BSDC1: variants seen among roughly 807,000 people sequenced by gnomAD.
BSDC1 encodes the protein BSD domain containing 1, also known as BSD domain-containing protein 1.
Under a neutral mutation model 56.0 loss-of-function variants are expected in BSDC1, and 29 were observed. That is an observed-to-expected ratio of 0.52 (90% CI 0.39 to 0.71). The LOEUF is 0.71. Among genes scored for constraint, BSDC1 ranks in the 30% least tolerant of loss-of-function variants. BSDC1 has a pLI of 0.00. For missense variants in BSDC1, 477 were observed against 548.5 expected (o/e 0.87, Z 1.30); for synonymous variants, 210 against 215.3 (o/e 0.98, Z 0.21).
chr1:32,390,023 G>C (rs920795602), intron 2 of BSDC1, among the ~76,000 whole-genome samples: 1 of 151,984 alleles, frequency 6.6e-6, no homozygotes, highest in Non-Finnish European at 1.5e-5. Context: ...GTTGACATGG[G>C]TTTAGTGACG....
intron 9 of BSDC1, among the ~76,000 whole-genome samples, chr1:32,374,231 G>A (rs1275712632): frequency 2.0e-5 from 3 of 152,216 alleles, no homozygotes; most frequent in African/African-American, 7.2e-5. Context: ...CAGAGAAAGT[G>A]CTCAGAGAAT....
intron 2 of BSDC1, among the ~76,000 whole-genome samples, chr1:32,391,599 C>A (rs770507625): frequency 6.6e-6 from 1 of 152,170 alleles, no homozygotes; most frequent in African/African-American, 2.4e-5. Flanking sequence ...TCTCTATCAA[C>A]GTGTATGCAC....
At chr1:32,388,634 C>T (rs1364862052) in intron 2 of BSDC1, among the ~76,000 whole-genome samples, 1 of 152,192 alleles carries the variant, frequency 6.6e-6, no homozygotes, top group Non-Finnish European at 1.5e-5. Flanking sequence ...CCTTTACTTA[C>T]AAAGCCTATA....
chr1:32,386,098 T>A (rs936433357), intron 3 of BSDC1, among the ~76,000 whole-genome samples: 1 of 152,076 alleles, frequency 6.6e-6, no homozygotes, highest in Non-Finnish European at 1.5e-5. Context: ...GGTGGGCAGA[T>A]CACAAGGTCA....
At chr1:32,380,518 C>T (rs1384052754) in intron 5 of BSDC1, among the ~76,000 whole-genome samples, 1 of 151,976 alleles carries the variant, frequency 6.6e-6, no homozygotes, top group Admixed American at 6.5e-5. Flanking sequence ...TGGTGGCGGG[C>T]GCCTGTAAGC....
At chr1:32,381,795 G>C (rs77987146) in intron 4 of BSDC1, among the ~76,000 whole-genome samples, 5 of 152,164 alleles carry the variant, frequency 3.3e-5, no homozygotes, top group Admixed American at 6.5e-5. Flanking sequence ...ATGTGTAAGC[G>C]GTCTGGTGAT....
chr1:32,391,894 C>T (rs1471709869), intron 2 of BSDC1, among the ~76,000 whole-genome samples: 2 of 152,186 alleles, frequency 1.3e-5, no homozygotes, highest in African/African-American at 4.8e-5. Context: ...ACAGCTAATG[C>T]TTATATAGCA....
intron 9 of BSDC1, among the ~76,000 whole-genome samples, chr1:32,375,116 C>T (rs1642231064): frequency 6.6e-6 from 1 of 151,908 alleles, no homozygotes; most frequent in African/African-American, 2.4e-5. Context: ...CGCGCCACTG[C>T]ACTCCAGCCT....
In BSDC1 at chr1:32,378,783, C is replaced by A; in HGVS notation, c.469G>T (p.Gly157Trp). The change falls in exon 6 of 11, where the codon GGG (glycine) becomes TGG (tryptophan). Residue 157 changes from glycine to tryptophan, a missense_variant. Gly to Trp is a radical substitution (Grantham distance 184, BLOSUM62 -2). Coordinates refer to ENST00000455895, the MANE Select transcript of BSDC1 (RefSeq NM_018045.8). The surrounding 1 kb of genome is among the most constrained non-coding windows in gnomAD (Gnocchi z 5.2). ...LSQFCLEEKK[G>W]EISELLVGSP... ...CCTACAAGGAGCTCTGAGATCTCCC[C>A]CTTCTTCTCCTCCAAGCAGAACTGG... The A allele has an allele frequency of 6.4e-7, 1 of 1,553,574 alleles. No homozygotes were observed. Among genetic ancestry groups the A allele is most frequent in the Non-Finnish European group, 8.7e-7 (1 of 1,148,300 alleles).
At chr1:32,384,872 A>T (rs777533059) in intron 3 of BSDC1, among the ~76,000 whole-genome samples, 2 of 152,198 alleles carry the variant, frequency 1.3e-5, no homozygotes, top group African/African-American at 4.8e-5. Context: ...AAAAAAGAAT[A>T]AATGAATGAA....
At position 32,376,429 on chromosome 1, in the gene BSDC1, G is replaced by A. The variant is rs1347180522; in HGVS notation, c.989C>T (p.Pro330Leu). 6.2e-7 allele frequency: 1 copy of A among 1,613,614 alleles called. No individual in the cohort carries two copies. The highest frequency in any genetic ancestry group is 8.5e-7 in the Non-Finnish European group (1 of 1,179,580). Residue 330 changes from proline to leucine, a missense_variant, in exon 9 of 11, where the codon CCC (proline) becomes CTC (leucine). Transcript: ENST00000455895. ...CGTTAGGGGCTTGGAGTGAATAGGG[G>A]GTGAGGGTCCAGTCTCACCCACATC... ...AVDVGETGPS[P>L]PIHSKPLTPA...
intron 2 of BSDC1, among the ~76,000 whole-genome samples, chr1:32,388,894 G>C (rs1016244604): frequency 2.0e-5 from 3 of 151,606 alleles, no homozygotes; most frequent in Non-Finnish European, 2.9e-5. Context: ...TCCCTAGAGG[G>C]GCTTCCTGCT....
chr1:32,382,889 A>T (rs34891055), intron 4 of BSDC1, among the ~76,000 whole-genome samples: 1 of 148,792 alleles, frequency 6.7e-6, no homozygotes, highest in Non-Finnish European at 1.5e-5. Context: ...AAAAAAAAAA[A>T]GAAGAAGAAA....
At chr1:32,382,467 A>C (rs928546789) in intron 4 of BSDC1, among the ~76,000 whole-genome samples, 1 of 151,486 alleles carries the variant, frequency 6.6e-6, no homozygotes, top group Non-Finnish European at 1.5e-5. Flanking sequence ...CTATTTCAAA[A>C]AAAAAACAAA....
At chr1:32,383,443 C>A (rs1214048579) in intron 4 of BSDC1, among the ~76,000 whole-genome samples, 6 of 149,098 alleles carry the variant, frequency 4.0e-5, no homozygotes, top group African/African-American at 1.5e-4. Flanking sequence ...CAGAGTGAGA[C>A]CCTGTCTCAT....
In BSDC1 at chr1:32,378,753, G is replaced by A. The variant is rs534356195; in HGVS notation, c.499C>T (p.Pro167Ser). 17 of 1,537,576 alleles carry A rather than the reference G, an allele frequency of 1.1e-5. 1 individual carries two copies. The African/African-American group carries it at 1.5e-4, about 14-fold the overall frequency. ...TTGGTGTAGAGGGCCCGGATGGAGGGGCTGCCTACAAGGAGCTCTGAGATC... is the reference window on the plus strand; with the variant it reads ...TTGGTGTAGAGGGCCCGGATGGAGGAGCTGCCTACAAGGAGCTCTGAGATC... ...GEISELLVGS[P>S]SIRALYTKMV... Residue 167 changes from proline (P) to serine (S), a missense_variant, in exon 6 of 11, where the codon CCC becomes TCC. Pro to Ser is a moderately conservative substitution (Grantham distance 74). Coordinates refer to ENST00000455895, the MANE Select transcript of BSDC1 (RefSeq NM_018045.8). This position sits in a 1 kb window ranked among gnomAD's most constrained non-coding sequence, Gnocchi z 5.2.
chr1:32,376,756 A>T lies in BSDC1; in HGVS notation c.677-15T>A. ...CATGAGCTCCTCTGTAGAGAGAGAA[A>T]GGGAGGGGCAAGAGGGAAATGTAAC... On this transcript the variant is annotated splice_polypyrimidine_tract_variant and intron_variant, in intron 8 of 10. Transcript: ENST00000455895. 7.4e-7 allele frequency: 1 copy of T among 1,346,962 alleles called. No individual in the cohort carries two copies. The highest frequency in any genetic ancestry group is 9.6e-7 in the Non-Finnish European group (1 of 1,039,894). 83.4% of individuals were successfully genotyped at this position (1,346,962 alleles called of 1,614,324 possible). A position where few individuals can be genotyped will look rare whatever the true frequency, so the allele number is the denominator to read the frequency against.
intron 2 of BSDC1, chr1:32,393,754 C>G: frequency 2.8e-6 from 1 of 355,800 alleles, no homozygotes; most frequent in Non-Finnish European, 5.2e-6. Context: ...AGAATCTTTT[C>G]CTTCAAGACC....
In BSDC1 at chr1:32,394,387, C is replaced by G. The variant is rs768774152; in HGVS notation, c.11+17G>C. On this transcript the variant is annotated intron_variant, in intron 1 of 10. Transcript: ENST00000455895. ...GAATTCAGGCCCCAACGCCTAGGAG[C>G]AAAACGACAAGCTCACCCTTCCGCC... 5.0e-6 allele frequency: 8 copies of G among 1,614,164 alleles called. No individual in the cohort carries two copies. The highest frequency in any genetic ancestry group is 5.1e-6 in the Non-Finnish European group (6 of 1,180,026).
Sources: allele counts gnomAD v4.1 joint callset (sites outside exome capture counted in the v4.1 genomes callset), GRCh38; gene constraint gnomAD v4.1.1; non-coding constraint Gnocchi (gnomAD v3.1); transcripts MANE v1.5; gene names NCBI Gene and HGNC (gene_info 2026-07-23, HGNC 2026-07-21).